Variants in RNASET2 observed in about 807,000 individuals in gnomAD.
The protein encoded by RNASET2 is ribonuclease 6.
RNASET2 carries 28 observed loss-of-function variants against 33.9 expected under a neutral mutation model. The ratio of observed to expected loss-of-function variants is 0.83; its 90% CI spans 0.61 to 1.13. The LOEUF (loss-of-function observed/expected upper bound fraction) is 1.13, where lower values mean the gene tolerates loss of function less well. RNASET2 is among the 50% of genes most tolerant of loss of function. The probability of loss-of-function intolerance (pLI) is 0.00; values close to 1 mark genes in which losing one functional copy is unlikely to be tolerated. For synonymous variants in RNASET2, 123 were observed against 121.0 expected (o/e 1.02, Z -0.11); for missense variants, 330 against 319.9 (o/e 1.03, Z -0.24).
At chr6:166,948,761 C>A (rs1778908901) in intron 2 of RNASET2, 136 bp from the exon 3 acceptor site, 1 of 696,604 alleles carries the variant, frequency 1.4e-6, no homozygotes, top group Non-Finnish European at 2.6e-6. Flanking sequence ...ATAACACAAG[C>A]TAAAGCCAGG....
chr6:166,943,820 A>G (rs761249602), intron 4 of RNASET2: 15 of 462,676 alleles, frequency 3.2e-5, no homozygotes, highest in African/African-American at 1.2e-4. Flanking sequence ...CTGTAAACCT[A>G]TAACTGTTCT....
Position 166,928,232 on chromosome 6 carries a change from G to C in RNASET2, c.*1356C>G, listed in dbSNP as rs917077762. On this transcript the variant is annotated 3_prime_UTR_variant, in exon 9 of 9. Transcript: ENST00000508775. ...CTGTGTCTCCTTTAATGCCTGCGGGGGACGCAGAGGCCACTGAGTCTAGGA... is the reference window on the plus strand; with the variant it reads ...CTGTGTCTCCTTTAATGCCTGCGGGCGACGCAGAGGCCACTGAGTCTAGGA... Among the ~76,000 whole-genome samples, 3 of 152,210 alleles carry C rather than the reference G, an allele frequency of 2.0e-5. No individual in the cohort carries two copies. Among genetic ancestry groups the C allele is most frequent in the Non-Finnish European group, 4.4e-5 (3 of 68,038 alleles).
intron 8 of RNASET2, among the ~76,000 whole-genome samples, chr6:166,930,636 TA>T (rs1379632537): frequency 7.2e-6 from 1 of 138,776 alleles, no homozygotes; most frequent in Non-Finnish European, 1.5e-5. Flanking sequence ...CATGCCCACA[TA>T]ATGTACACAC....
rs1562507793 is a variant in RNASET2, at chr6:166,955,391, ACACGCG to A, written c.86+700_86+705del. On this transcript the variant is annotated intron_variant, in intron 1 of 8. Transcript: ENST00000508775. ...CACACAAACGCACACGCACACACACACACGCGCACACACACACGCGCACACACACAC... is the reference window on the plus strand; with the variant it reads ...CACACAAACGCACACGCACACACACACACACACACACGCGCACACACACAC... 2.2e-4 allele frequency: 64 copies of A among 294,086 alleles called. No individual in the cohort carries two copies. In the African/African-American group the frequency reaches 3.8e-3, roughly 18 times the overall value. The allele number at this position is 294,086 out of a possible 1,614,324, so 18.2% of individuals were successfully genotyped here. A position where few individuals can be genotyped will look rare whatever the true frequency, so the allele number is the denominator to read the frequency against.
At chr6:166,955,782 C>T (rs990071809) in intron 1 of RNASET2, 4 of 984,378 alleles carry the variant, frequency 4.1e-6, no homozygotes, top group Non-Finnish European at 4.8e-6. Context: ...CAGGGCTCCC[C>T]CCAACCCACT....
rs537729656 is a variant in RNASET2 at position 166,945,804 on chromosome 6, TG to T, written c.261+877del. On this transcript the variant is annotated intron_variant, in intron 4 of 8. Transcript: ENST00000508775. Reference sequence around the variant, plus strand: ...AAGATTGCGCCACTGCACTCCAGCCTGGGCAACAAGAGCAAAACTCTGTCTC... The same window carrying T: ...AAGATTGCGCCACTGCACTCCAGCCTGGCAACAAGAGCAAAACTCTGTCTC... Among the ~76,000 whole-genome samples the T allele has an allele frequency of 8.4e-3, 1,146 of 135,768 alleles. 11 individuals are homozygous for T. Among genetic ancestry groups the T allele is most frequent in the Non-Finnish European group, 0.013 (846 of 65,234 alleles). The allele number at this position is 135,768 out of a possible 152,430, so 89.1% of individuals were successfully genotyped here.
intron 4 of RNASET2, among the ~76,000 whole-genome samples, chr6:166,946,137 G>A (rs1031550142): frequency 6.6e-6 from 1 of 152,220 alleles, no homozygotes; most frequent in Admixed American, 6.5e-5. Flanking sequence ...GCCTCTGCTA[G>A]TATCTCTAAT....
At chr6:166,930,237 A>C (rs1778386781) in intron 8 of RNASET2, among the ~76,000 whole-genome samples, 2 of 152,270 alleles carry the variant, frequency 1.3e-5, no homozygotes, top group African/African-American at 4.8e-5. Context: ...GATAAGCAAG[A>C]AGACAAACCC....
intron 7 of RNASET2, chr6:166,931,459 A>C: frequency 5.0e-6 from 2 of 398,534 alleles, no homozygotes; most frequent in South Asian, 4.9e-5. Context: ...CTCATCCACC[A>C]ACAACTACTC....
At chr6:166,947,404 A>G (rs1204578471) in intron 3 of RNASET2, among the ~76,000 whole-genome samples, 1 of 152,156 alleles carries the variant, frequency 6.6e-6, no homozygotes, top group Non-Finnish European at 1.5e-5. Context: ...GACCCCTCAG[A>G]GCCCCAAAGA....
intron 4 of RNASET2, chr6:166,943,859 C>A: frequency 2.4e-6 from 1 of 414,542 alleles, no homozygotes; most frequent in Non-Finnish European, 5.0e-6. Context: ...CGGTGGCTCA[C>A]GCCTGTAATC....
In RNASET2 at chr6:166,924,677, CT is replaced by C. The variant is rs769619671; in HGVS notation, c.*4910del. ...AGCATCAAATGCACCAGCTATGCTC[CT>C]CTTTTCCCTTGCCGTCTGTTGCCCT... On this transcript the variant is annotated 3_prime_UTR_variant, in exon 9 of 9. Transcript: ENST00000508775. Among the ~76,000 whole-genome samples the C allele has an allele frequency of 2.0e-5, 3 of 152,208 alleles. No individual in the cohort carries two copies. Among genetic ancestry groups the C allele is most frequent in the Non-Finnish European group, 2.9e-5 (2 of 68,036 alleles).
At chr6:166,948,885 T>C (rs1209672943) in intron 2 of RNASET2, among the ~76,000 whole-genome samples, 1 of 152,222 alleles carries the variant, frequency 6.6e-6, no homozygotes, top group Admixed American at 6.5e-5. Context: ...CCATTTTTGT[T>C]AAGCCATTCC....
chr6:166,950,510 C>T (rs6922982), intron 2 of RNASET2, among the ~76,000 whole-genome samples: 1,672 of 152,366 alleles, frequency 0.011, 22 homozygotes, highest in African/African-American at 0.038. Flanking sequence ...GTCACTACCA[C>T]TCAGTGCTAG....
chr6:166,936,456 G>A, intron 6 of RNASET2, among the ~76,000 whole-genome samples: 1 of 152,178 alleles, frequency 6.6e-6, no homozygotes, highest in Admixed American at 6.5e-5. Context: ...TGGCTCAGGG[G>A]TCTGCAGGCT....
Position 166,931,121 on chromosome 6 carries a change from G to A in RNASET2, c.493-3C>T, listed in dbSNP as rs750103307. The A allele has an allele frequency of 1.3e-6, 2 of 1,585,996 alleles. No individual in the cohort carries two copies. Among genetic ancestry groups the A allele is most frequent in the Non-Finnish European group, 8.7e-7 (1 of 1,154,512 alleles). On this transcript the variant is annotated splice_polypyrimidine_tract_variant and splice_region_variant and intron_variant, in intron 7 of 8. Transcript: ENST00000508775. ...AGGGCATCTTTAAAATCTGCAACCT[G>A]ATTTTAAATACAAGTGTATTAGAAA...
At position 166,928,044 on chromosome 6, in the gene RNASET2, G is replaced by A. The variant is rs117071657; in HGVS notation, c.*1544C>T. 1.6e-3 allele frequency among the ~76,000 whole-genome samples: 249 copies of A among 152,324 alleles called. 5 individuals carry two copies. In the East Asian group the frequency reaches 0.041, roughly 25 times the overall value. On this transcript the variant is annotated 3_prime_UTR_variant, in exon 9 of 9. Coordinates refer to ENST00000508775, the MANE Select transcript of RNASET2 (RefSeq NM_003730.6). ...GCCTTCCCCACAGCTTGCAGAAGAGGGCTCAGCTCCTCCATTACAGAAGAG... is the reference window on the plus strand; with the variant it reads ...GCCTTCCCCACAGCTTGCAGAAGAGAGCTCAGCTCCTCCATTACAGAAGAG...
rs986383846 is a variant in RNASET2, at chr6:166,928,834, G to A, written c.*754C>T. 2.0e-5 allele frequency among the ~76,000 whole-genome samples: 3 copies of A among 152,350 alleles called. No homozygotes were observed. Among genetic ancestry groups the A allele is most frequent in the Non-Finnish European group, 4.4e-5 (3 of 68,034 alleles). ...TACCTCCGGTTCTGGAACACACAAT[G>A]TAGGCACATTTCGCTGGGGGCTCCA... On this transcript the variant is annotated 3_prime_UTR_variant, in exon 9 of 9. Coordinates refer to ENST00000508775, the MANE Select transcript of RNASET2 (RefSeq NM_003730.6).
At chr6:166,936,175 G>C (rs1032251388) in intron 6 of RNASET2, among the ~76,000 whole-genome samples, 2 of 152,200 alleles carry the variant, frequency 1.3e-5, no homozygotes, top group African/African-American at 2.4e-5. Flanking sequence ...ATAGGTTTTA[G>C]CAAACATACT....
Sources: allele counts gnomAD v4.1 joint callset (sites outside exome capture counted in the v4.1 genomes callset), GRCh38; gene constraint gnomAD v4.1.1; transcripts MANE v1.5; gene names NCBI Gene and HGNC (gene_info 2026-07-23, HGNC 2026-07-21).